The following KHDRBS2 variants were observed in gnomAD, a reference collection of about 807,000 sequenced individuals.
KHDRBS2 encodes the protein KH domain-containing, RNA-binding, signal transduction-associated protein 2.
Under a neutral mutation model 44.3 loss-of-function variants are expected in KHDRBS2, and 26 were observed. The ratio of observed to expected loss-of-function variants is 0.59; its 90% CI spans 0.43 to 0.81. KHDRBS2 has a LOEUF of 0.81. Ranked by LOEUF, KHDRBS2 falls within the 40% of genes least tolerant of loss-of-function variation. The pLI is 0.00. For missense variants in KHDRBS2, 476 were observed against 433.1 expected, an observed-to-expected ratio of 1.10 and a Z score of -0.88; for synonymous variants, 194 against 151.1, an observed-to-expected ratio of 1.28 and a Z score of -2.08.
intron 2 of KHDRBS2, among the ~76,000 whole-genome samples, chr6:62,146,014 C>A (rs549226163): frequency 6.6e-6 from 1 of 151,936 alleles, no homozygotes; most frequent in East Asian, 1.9e-4. Context: ...TTTCCCTACT[C>A]ATAGGTCAGC....
At chr6:61,651,653 G>T in the KHDRBS2 span, among the ~76,000 whole-genome samples, 18 of 152,238 alleles carry the variant, frequency 1.2e-4, no homozygotes, top group African/African-American at 4.1e-4. Flanking sequence ...CTCACAGCTA[G>T]AAAATTGTGG....
chr6:61,593,381 A>C, the KHDRBS2 span, among the ~76,000 whole-genome samples: 1 of 152,124 alleles, frequency 6.6e-6, no homozygotes, highest in Non-Finnish European at 1.5e-5. Flanking sequence ...AGGAAACTAA[A>C]AATTTAGGAT....
At chr6:62,181,345 A>G (rs1008250722) in intron 1 of KHDRBS2, among the ~76,000 whole-genome samples, 3 of 152,016 alleles carry the variant, frequency 2.0e-5, no homozygotes, top group Non-Finnish European at 2.9e-5. Context: ...CTACAACTTA[A>G]TAGCAAGAAA....
At chr6:62,039,910 C>T (rs1344551160) in intron 3 of KHDRBS2, among the ~76,000 whole-genome samples, 2 of 152,078 alleles carry the variant, frequency 1.3e-5, no homozygotes, top group African/African-American at 4.8e-5. Flanking sequence ...TACAGAGAAA[C>T]TGGAATCACC....
At chr6:62,146,678 A>T (rs1042246721) in intron 2 of KHDRBS2, among the ~76,000 whole-genome samples, 3 of 151,866 alleles carry the variant, frequency 2.0e-5, no homozygotes, top group Admixed American at 2.0e-4. Flanking sequence ...AGCCATATGC[A>T]CATAAACTCC....
At chr6:62,101,508 T>C (rs1242144052) in intron 2 of KHDRBS2, among the ~76,000 whole-genome samples, 1 of 152,128 alleles carries the variant, frequency 6.6e-6, no homozygotes, top group African/African-American at 2.4e-5. Flanking sequence ...AGCAAAGAGA[T>C]GGTTTAGGTC....
At chr6:61,874,453 T>G (rs781142845) in intron 6 of KHDRBS2, among the ~76,000 whole-genome samples, 6 of 152,158 alleles carry the variant, frequency 3.9e-5, no homozygotes, top group Non-Finnish European at 7.3e-5. Flanking sequence ...TTTCTAAATG[T>G]GTCTACTTTT....
chr6:61,626,315 G>T, the KHDRBS2 span, among the ~76,000 whole-genome samples: 1 of 152,164 alleles, frequency 6.6e-6, no homozygotes, highest in South Asian at 2.1e-4. Flanking sequence ...TGTGAGTATT[G>T]TTGCAGGTAC....
the KHDRBS2 span, among the ~76,000 whole-genome samples, chr6:61,561,899 C>A: frequency 5.3e-5 from 8 of 152,138 alleles, no homozygotes; most frequent in African/African-American, 1.4e-4. Flanking sequence ...TACTCTCTAG[C>A]CACTTAGATA....
intron 6 of KHDRBS2, among the ~76,000 whole-genome samples, chr6:61,809,148 A>G (rs1171911844): frequency 6.6e-6 from 1 of 152,084 alleles, no homozygotes; most frequent in Admixed American, 6.6e-5. Flanking sequence ...TCTTTTTACT[A>G]TATTTGCAGA....
At chr6:61,724,406 C>T (rs921876683) in intron 7 of KHDRBS2, among the ~76,000 whole-genome samples, 2 of 152,000 alleles carry the variant, frequency 1.3e-5, no homozygotes, top group African/African-American at 2.4e-5. Context: ...ACCATGTGAA[C>T]AGTCTGCAAA....
At chr6:61,583,786 A>G in the KHDRBS2 span, among the ~76,000 whole-genome samples, 2 of 151,670 alleles carry the variant, frequency 1.3e-5, no homozygotes, top group African/African-American at 4.8e-5. Context: ...TACTGAACAT[A>G]TGGATCAATT....
At position 62,271,427 on chromosome 6, in the gene KHDRBS2, ATG is replaced by A. The variant is rs1840072315; in HGVS notation, c.91+14429_91+14430del. The stretch of plus-strand genomic sequence containing the variant: ...AGTTTATAATACTTGATAATAATAA[ATG>A]TGTTACTATTTTATGTATGTATTAT... On this transcript the variant is annotated intron_variant, in intron 1 of 8. Transcript: ENST00000281156. Among the ~76,000 whole-genome samples, 3 of 152,206 alleles carry A rather than the reference ATG, an allele frequency of 2.0e-5. No homozygotes were observed. The South Asian group carries it at 6.2e-4, about 32-fold the overall frequency.
At chr6:62,233,321 A>G (rs1017627644) in intron 1 of KHDRBS2, among the ~76,000 whole-genome samples, 32 of 152,140 alleles carry the variant, frequency 2.1e-4, no homozygotes, top group Admixed American at 2.0e-3. Flanking sequence ...TAAAATGGAA[A>G]CTTAATGGTT....
chr6:61,871,508 C>T (rs1407508480), intron 6 of KHDRBS2, among the ~76,000 whole-genome samples: 1 of 152,116 alleles, frequency 6.6e-6, no homozygotes, highest in Non-Finnish European at 1.5e-5. Flanking sequence ...ATACAGACAA[C>T]ACCACAAAGA....
chr6:62,017,916 A>T (rs1419917421), intron 3 of KHDRBS2, among the ~76,000 whole-genome samples: 1 of 152,052 alleles, frequency 6.6e-6, no homozygotes, highest in Non-Finnish European at 1.5e-5. Flanking sequence ...TCAATTTTTC[A>T]TACATCAATT....
At chr6:61,560,965 C>T in the KHDRBS2 span, among the ~76,000 whole-genome samples, 19 of 152,088 alleles carry the variant, frequency 1.2e-4, no homozygotes, top group Non-Finnish European at 2.6e-4. Flanking sequence ...CTTAGGAAAG[C>T]TTTTCAGGTA....
chr6:62,087,493 A>C (rs922463492), intron 2 of KHDRBS2, among the ~76,000 whole-genome samples: 4 of 152,166 alleles, frequency 2.6e-5, no homozygotes, highest in Non-Finnish European at 5.9e-5. Context: ...GCCAAAAAGA[A>C]ATAAAAAAAG....
chr6:61,652,100 C>G, the KHDRBS2 span, among the ~76,000 whole-genome samples: 49 of 152,110 alleles, frequency 3.2e-4, no homozygotes, highest in Middle Eastern at 0.01. Flanking sequence ...AAAATTGGCT[C>G]GTTTGTTTTT....
Sources: gnomAD v4.1 joint callset for allele counts (sites outside exome capture counted in the v4.1 genomes callset) on GRCh38, gnomAD v4.1.1 for gene constraint, MANE v1.5 for transcripts, NCBI Gene and HGNC (gene_info 2026-07-23, HGNC 2026-07-21) for gene names.